The following FBXO11 variants were observed in gnomAD, a reference collection of about 807,000 sequenced individuals.
FBXO11 encodes the protein F-box protein 11, also known as F-box only protein 11.
In FBXO11, 13 loss-of-function variants were observed where a neutral mutation model predicts 117.0. The observed-to-expected ratio is 0.11, with a 90% CI of 0.07 to 0.18. The LOEUF (loss-of-function observed/expected upper bound fraction) is 0.18, where lower values mean the gene tolerates loss of function less well. Ranked by LOEUF, FBXO11 falls within the 10% of genes least tolerant of loss-of-function variation. FBXO11 has a pLI of 1.00. For missense variants in FBXO11, 767 were observed against 1,164.4 expected (o/e 0.66, Z 4.97); for synonymous variants, 490 against 380.5 (o/e 1.29, Z -3.35).
intron 1 of FBXO11, among the ~76,000 whole-genome samples, chr2:47,873,686 G>A (rs1471081437): frequency 5.3e-5 from 8 of 152,188 alleles, no homozygotes; most frequent in Non-Finnish European, 1.0e-4. Context: ...ACACTAAGTT[G>A]CTACCCATTC....
intron 1 of FBXO11, among the ~76,000 whole-genome samples, chr2:47,891,417 A>C (rs1558478263): frequency 6.6e-6 from 1 of 152,232 alleles, no homozygotes; most frequent in Non-Finnish European, 1.5e-5. Flanking sequence ...ATTTAGCATA[A>C]TGTCCTCAAA....
chr2:47,858,492 G>C (rs1357479687), intron 1 of FBXO11, among the ~76,000 whole-genome samples: 1 of 149,820 alleles, frequency 6.7e-6, no homozygotes, highest in Non-Finnish European at 1.5e-5. Flanking sequence ...GACCAACCTG[G>C]CCATCATGGT....
At chr2:47,810,757 G>C (rs772811178) in intron 18 of FBXO11, 6 of 184,276 alleles carry the variant, frequency 3.3e-5, no homozygotes, top group Non-Finnish European at 5.6e-5. Flanking sequence ...TAATTCCTTT[G>C]AAATATTTCT....
rs530854090 is a variant in FBXO11, at chr2:47,885,664, G to T, written c.232+19825C>A. On this transcript the variant is annotated intron_variant, in intron 1 of 22. Transcript: ENST00000403359. Reference sequence around the variant, plus strand: ...AAAACAGCCAAAGCATACAAGACTTGGAAAAGATTGTTCCACAGGTGGTAG... The same window carrying T: ...AAAACAGCCAAAGCATACAAGACTTTGAAAAGATTGTTCCACAGGTGGTAG... Among the ~76,000 whole-genome samples, 4 of 152,274 alleles carry T rather than the reference G, an allele frequency of 2.6e-5. No individual in the cohort carries two copies. In the South Asian group the frequency reaches 8.3e-4, roughly 32 times the overall value.
intron 16 of FBXO11, among the ~76,000 whole-genome samples, chr2:47,815,729 A>G (rs754554678): frequency 3.9e-5 from 6 of 152,216 alleles, no homozygotes; most frequent in Non-Finnish European, 8.8e-5. Context: ...AGAGTTCTTC[A>G]GCTGAGGGCG....
At chr2:47,808,493 TTA>T (rs1315902568) in intron 21 of FBXO11, 66 bp from the exon 22 acceptor site, 1 of 1,145,232 alleles carries the variant, frequency 8.7e-7, no homozygotes, top group African/African-American at 1.5e-5. Context: ...TCCATTCTGT[TTA>T]TATATTACTA....
intron 1 of FBXO11, among the ~76,000 whole-genome samples, chr2:47,879,237 G>A (rs1036905295): frequency 6.6e-6 from 1 of 152,138 alleles, no homozygotes; most frequent in Non-Finnish European, 1.5e-5. Context: ...TGCTATTACA[G>A]AATAATCTGA....
chr2:47,827,724 A>T (rs902900500), intron 11 of FBXO11, among the ~76,000 whole-genome samples: 1 of 147,812 alleles, frequency 6.8e-6, no homozygotes, highest in East Asian at 2.0e-4. Context: ...TTTGAGGTGG[A>T]GTTTCACTGT....
At chr2:47,832,937 TG>T in intron 8 of FBXO11, 26 bp downstream of exon 8, 1 of 1,600,478 alleles carries the variant, frequency 6.2e-7, no homozygotes, top group Non-Finnish European at 8.6e-7. Context: ...GATTTCAATG[TG>T]TATTTTAAAT....
intron 12 of FBXO11, among the ~76,000 whole-genome samples, 160 bp from the exon 13 acceptor site, chr2:47,822,463 A>G (rs902487755): frequency 6.6e-6 from 1 of 152,258 alleles, no homozygotes; most frequent in Non-Finnish European, 1.5e-5. Context: ...TGGAAAAGTC[A>G]GACTACTATT....
chr2:47,808,235 G>A lies in FBXO11; in HGVS notation c.2667C>T (p.Asp889=). The change falls in exon 23 of 23, where the codon GAC becomes GAT. Residue 889 remains aspartate (D), a synonymous_variant. Coordinates refer to ENST00000403359, the MANE Select transcript of FBXO11 (RefSeq NM_001190274.2). ...GATTAGACAGTGTTCCAGCACCACAGTCACAGAAAAACCTAAAGCAAAATG... is the reference window on the plus strand; with the variant it reads ...GATTAGACAGTGTTCCAGCACCACAATCACAGAAAAACCTAAAGCAAAATG... ...EFIRHDRFFC[D]CGAGTLSNPC... 1 of 1,613,236 alleles carries A rather than the reference G, an allele frequency of 6.2e-7. No homozygotes were observed. The highest frequency in any genetic ancestry group is 8.5e-7 in the Non-Finnish European group (1 of 1,179,856).
chr2:47,874,201 G>C (rs974520204), intron 1 of FBXO11, among the ~76,000 whole-genome samples: 1 of 152,062 alleles, frequency 6.6e-6, no homozygotes, highest in Non-Finnish European at 1.5e-5. Flanking sequence ...ACGATAGTGC[G>C]AGACTGTCTC....
At position 47,822,320 on chromosome 2, in the gene FBXO11, TAAAA is replaced by T. The variant is rs535017411; in HGVS notation, c.1617-21_1617-18del. The T allele has an allele frequency of 3.3e-6, 5 of 1,493,544 alleles. No homozygotes were observed. The East Asian group carries it at 9.2e-5, about 28-fold the overall frequency. The allele number at this position is 1,493,544 out of a possible 1,614,324, so 92.5% of individuals were successfully genotyped here. On this transcript the variant is annotated intron_variant, in intron 12 of 22. Coordinates refer to ENST00000403359, the MANE Select transcript of FBXO11 (RefSeq NM_001190274.2). Reference sequence around the variant, plus strand: ...GAATTTCCCCTATAATTATGCGAAATAAAAAAAAAGAAGACATCTATTCAGCCAA... The same window carrying T: ...GAATTTCCCCTATAATTATGCGAAATAAAAAGAAGACATCTATTCAGCCAA...
At chr2:47,878,228 GT>G (rs1278699903) in intron 1 of FBXO11, among the ~76,000 whole-genome samples, 2 of 152,164 alleles carry the variant, frequency 1.3e-5, no homozygotes, top group Non-Finnish European at 2.9e-5. Flanking sequence ...GCTCCAATCT[GT>G]CTACCAATAT....
At chr2:47,828,101 T>G (rs1381360685) in intron 11 of FBXO11, among the ~76,000 whole-genome samples, 1 of 152,110 alleles carries the variant, frequency 6.6e-6, no homozygotes, top group African/African-American at 2.4e-5. Flanking sequence ...TGCCTCAGCC[T>G]TCCAAGTAGC....
intron 1 of FBXO11, among the ~76,000 whole-genome samples, chr2:47,855,292 T>A (rs529447262): frequency 7.2e-5 from 11 of 152,030 alleles, no homozygotes; most frequent in Non-Finnish European, 1.3e-4. Context: ...CCTCGACTTC[T>A]GGAGCTCAAG....
At chr2:47,905,187 G>C (rs1457234959) in intron 1 of FBXO11, 3 of 207,396 alleles carry the variant, frequency 1.4e-5, no homozygotes, top group African/African-American at 6.9e-5. Flanking sequence ...ACTCCCGCGG[G>C]GTCTGTGAGC....
chr2:47,808,864 C>CTT, intron 21 of FBXO11: 1 of 286,712 alleles, frequency 3.5e-6, no homozygotes, highest in Non-Finnish European at 6.5e-6. Context: ...TAGTTATGGT[C>CTT]TTTGTTTTGT....
At chr2:47,833,270 A>G (rs1257924686) in intron 7 of FBXO11, among the ~76,000 whole-genome samples, 200 bp from the exon 8 acceptor site, 1 of 152,216 alleles carries the variant, frequency 6.6e-6, no homozygotes, top group Non-Finnish European at 1.5e-5. Flanking sequence ...TTAACTATAA[A>G]TACTATGAAT....
Sources: allele counts gnomAD v4.1 joint callset (sites outside exome capture counted in the v4.1 genomes callset), GRCh38; gene constraint gnomAD v4.1.1; transcripts MANE v1.5; gene names NCBI Gene and HGNC (gene_info 2026-07-23, HGNC 2026-07-21).